The following RGMA variants were observed in gnomAD, a reference collection of about 807,000 sequenced individuals.
The protein encoded by RGMA is repulsive guidance molecule BMP co-receptor a, also known as repulsive guidance molecule A.
RGMA carries 10 observed loss-of-function variants against 23.2 expected under a neutral mutation model. The ratio of observed to expected loss-of-function variants is 0.43; its 90% CI spans 0.27 to 0.73. The LOEUF (loss-of-function observed/expected upper bound fraction) is 0.73. Among genes scored for constraint, RGMA ranks in the 30% least tolerant of loss-of-function variants. RGMA has a pLI of 0.20. For synonymous variants in RGMA, 308 were observed against 279.3 expected (o/e 1.10, Z -1.03); for missense variants, 547 against 630.5 (o/e 0.87, Z 1.42).
At chr15:93,077,937 G>A (rs4778097) in intron 1 of RGMA, among the ~76,000 whole-genome samples, 12,108 of 152,234 alleles carry the variant, frequency 0.08, 1,017 homozygotes, top group East Asian at 0.41. Context: ...CAAACTCCTG[G>A]GCTCAAGTGA....
At chr15:93,059,707 G>A (rs908894287) in intron 2 of RGMA, among the ~76,000 whole-genome samples, 15 of 152,098 alleles carry the variant, frequency 9.9e-5, no homozygotes, top group Non-Finnish European at 1.8e-4. Context: ...TTGCCTCCAC[G>A]GCACTAAATC....
chr15:93,049,040 C>T (rs1386232767), intron 3 of RGMA, among the ~76,000 whole-genome samples: 2 of 152,232 alleles, frequency 1.3e-5, no homozygotes, highest in Admixed American at 6.5e-5. Context: ...TTCTTGGCAC[C>T]GGTGCCAGGG....
intron 1 of RGMA, among the ~76,000 whole-genome samples, chr15:93,078,405 T>C (rs528377732): frequency 8.5e-4 from 129 of 152,348 alleles, no homozygotes; most frequent in African/African-American, 3.0e-3. Flanking sequence ...AAAATGTTTG[T>C]CCAGACCATG....
intron 1 of RGMA, 103 bp downstream of exon 1, chr15:93,088,816 G>T: frequency 1.8e-6 from 2 of 1,098,210 alleles, no homozygotes; most frequent in Non-Finnish European, 2.6e-6. Flanking sequence ...AAGATGAGAC[G>T]CGGGGCTAAG....
intron 2 of RGMA, among the ~76,000 whole-genome samples, chr15:93,061,218 G>A (rs553687755): frequency 2.0e-5 from 3 of 152,270 alleles, no homozygotes; most frequent in African/African-American, 7.2e-5. Context: ...GCAGTGGCGC[G>A]ACCTTGGCTC....
intron 1 of RGMA, among the ~76,000 whole-genome samples, chr15:93,085,065 T>G (rs1459632871): frequency 1.3e-5 from 2 of 152,096 alleles, no homozygotes; most frequent in African/African-American, 4.8e-5. Flanking sequence ...ACACTAAGAA[T>G]AAAATAATGT....
intron 1 of RGMA, among the ~76,000 whole-genome samples, chr15:93,086,318 T>C (rs927876722): frequency 2.6e-5 from 4 of 152,232 alleles, no homozygotes; most frequent in African/African-American, 9.6e-5. Context: ...TTGCCTGCGC[T>C]GCTTTCAGAT....
intron 2 of RGMA, chr15:93,066,239 TG>T: frequency 7.5e-7 from 1 of 1,340,778 alleles, no homozygotes; most frequent in Non-Finnish European, 1.1e-6. Context: ...AGAAACTTCC[TG>T]GGCTTCTTTT....
intron 2 of RGMA, among the ~76,000 whole-genome samples, chr15:93,071,353 C>T (rs1325595464): frequency 6.6e-6 from 1 of 152,206 alleles, no homozygotes; most frequent in Non-Finnish European, 1.5e-5. Flanking sequence ...GGAGAAACTG[C>T]CTTTTAAATA....
intron 2 of RGMA, among the ~76,000 whole-genome samples, chr15:93,071,339 A>G (rs140133077): frequency 1.8e-4 from 27 of 152,360 alleles, no homozygotes; most frequent in Non-Finnish European, 3.4e-4. Context: ...ACTCTTAAGT[A>G]GGTGGAGAAA....
chr15:93,088,847 G>A, intron 1 of RGMA, 72 bp downstream of exon 1: 2 of 1,366,148 alleles, frequency 1.5e-6, no homozygotes, highest in Admixed American at 2.2e-5. Context: ...GCAGCGCCGT[G>A]GCCCCGGCAT....
chr15:93,062,143 G>A (rs908447363), intron 2 of RGMA, among the ~76,000 whole-genome samples: 16 of 152,122 alleles, frequency 1.1e-4, no homozygotes, highest in Non-Finnish European at 2.2e-4. Context: ...CAAGCCCCAG[G>A]GTCAAGCTGT....
intron 1 of RGMA, among the ~76,000 whole-genome samples, chr15:93,076,714 C>A (rs1350220187): frequency 6.6e-6 from 1 of 152,152 alleles, no homozygotes; most frequent in Admixed American, 6.6e-5. Flanking sequence ...CTATTACCAT[C>A]CTCATTTTGC....
chr15:93,051,450 G>A (rs1596083228), intron 3 of RGMA, among the ~76,000 whole-genome samples: 1 of 152,340 alleles, frequency 6.6e-6, no homozygotes, highest in African/African-American at 2.4e-5. Context: ...TTGCCCTCTG[G>A]CTAAGTCCGA....
chr15:93,072,570 G>C (rs1895364396), intron 2 of RGMA, among the ~76,000 whole-genome samples: 1 of 151,904 alleles, frequency 6.6e-6, no homozygotes. Context: ...CCAGCACCGA[G>C]GGCGTGCCTC....
rs778687833 is a variant in RGMA at position 93,052,043 on chromosome 15, C to T, written c.595G>A (p.Val199Ile). 19 of 1,611,556 alleles carry T rather than the reference C, an allele frequency of 1.2e-5. No homozygotes were observed. In the South Asian group the frequency reaches 1.2e-4, roughly 10 times the overall value. ...CCGGGCAGCACAGGCGTGTTGGTGACCTGCACGTTCAGGTAATTATTGTCG... is the reference window on the plus strand; with the variant it reads ...CCGGGCAGCACAGGCGTGTTGGTGATCTGCACGTTCAGGTAATTATTGTCG... ...LIDNNYLNVQ[V>I]TNTPVLPGSA... The change falls in exon 3 of 4, where the codon GTC becomes ATC. Residue 199 changes from valine (V) to isoleucine (I), a missense_variant. Physicochemically the swap from Val to Ile is conservative, Grantham distance 29. Around this residue, in one of 3 missense-constraint regions of RGMA, gnomAD observed 128 missense variants for 191.7 expected, o/e 0.67. Coordinates refer to ENST00000329082, the MANE Select transcript of RGMA (RefSeq NM_020211.3).
At chr15:93,062,378 C>G (rs986246175) in intron 2 of RGMA, among the ~76,000 whole-genome samples, 1 of 152,176 alleles carries the variant, frequency 6.6e-6, no homozygotes, top group South Asian at 2.1e-4. Context: ...AATGGAAGTA[C>G]GAGAAGGTAT....
intron 2 of RGMA, 75 bp from the exon 3 acceptor site, chr15:93,052,582 G>C (rs1041407901): frequency 2.8e-6 from 4 of 1,432,910 alleles, no homozygotes; most frequent in Non-Finnish European, 3.7e-6. Flanking sequence ...CTGTGGGCCA[G>C]GGGAGCAGCC....
intron 1 of RGMA, among the ~76,000 whole-genome samples, chr15:93,082,383 G>A (rs556093543): frequency 2.6e-5 from 4 of 152,184 alleles, no homozygotes; most frequent in Non-Finnish European, 5.9e-5. Context: ...AACCAGCGTC[G>A]TCATCTTAAC....
Sources: gnomAD v4.1 joint callset for allele counts (sites outside exome capture counted in the v4.1 genomes callset) on GRCh38, gnomAD v4.1.1 for gene constraint, gnomAD v4.1.1 regional missense constraint, MANE v1.5 for transcripts, NCBI Gene and HGNC (gene_info 2026-07-23, HGNC 2026-07-21) for gene names.